FAT3: variants seen among roughly 807,000 people sequenced by gnomAD.
FAT3 encodes the protein protocadherin Fat 3.
Under a neutral mutation model 310.2 loss-of-function variants are expected in FAT3, and 95 were observed. The ratio of observed to expected loss-of-function variants is 0.31; its 90% CI spans 0.26 to 0.36. FAT3 has a LOEUF of 0.36. FAT3 is among the 10% of genes least tolerant of loss of function. FAT3 has a pLI of 1.00. For synonymous variants in FAT3, 2,314 were observed against 2,192.9 expected (o/e 1.06, Z -1.54); for missense variants, 5,408 against 5,715.6 (o/e 0.95, Z 1.74).
intron 1 of FAT3, among the ~76,000 whole-genome samples, chr11:92,254,847 A>T (rs1865255110): frequency 6.6e-6 from 1 of 152,086 alleles, no homozygotes; most frequent in Non-Finnish European, 1.5e-5. Context: ...CTGGGGCTAC[A>T]GGCACCTGCC....
chr11:92,529,283 G>A (rs898390482), intron 3 of FAT3, among the ~76,000 whole-genome samples: 2 of 152,170 alleles, frequency 1.3e-5, no homozygotes, highest in African/African-American at 2.4e-5. Flanking sequence ...GAGTAACAGG[G>A]GATCTTTGCG....
intron 2 of FAT3, among the ~76,000 whole-genome samples, chr11:92,420,264 C>A (rs995930710): frequency 6.6e-5 from 10 of 152,112 alleles, no homozygotes; most frequent in African/African-American, 2.4e-4. Flanking sequence ...TTATTAGGAC[C>A]ACTTATGGAT....
intron 3 of FAT3, among the ~76,000 whole-genome samples, chr11:92,661,163 G>T (rs143027718): frequency 0.018 from 2,697 of 152,302 alleles, 35 homozygotes; most frequent in Non-Finnish European, 0.024. Flanking sequence ...GGGAGGCAAG[G>T]CAGGGGTGAG....
At chr11:92,728,539 G>A (rs972556794) in intron 4 of FAT3, among the ~76,000 whole-genome samples, 1 of 151,982 alleles carries the variant, frequency 6.6e-6, no homozygotes, top group Non-Finnish European at 1.5e-5. Context: ...TTTAAAAATC[G>A]GCATATTTGT....
intron 3 of FAT3, among the ~76,000 whole-genome samples, chr11:92,600,612 C>A (rs1939969284): frequency 6.6e-6 from 1 of 152,014 alleles, no homozygotes; most frequent in Non-Finnish European, 1.5e-5. Context: ...TACTATTTGC[C>A]AGGATGTGTT....
chr11:92,886,245 C>G (rs1949793666), intron 24 of FAT3, among the ~76,000 whole-genome samples: 1 of 152,136 alleles, frequency 6.6e-6, no homozygotes, highest in Non-Finnish European at 1.5e-5. Context: ...TTCTGGGCTA[C>G]TAATTCATTT....
intron 2 of FAT3, among the ~76,000 whole-genome samples, chr11:92,418,163 C>G (rs1950456249): frequency 6.6e-6 from 1 of 152,086 alleles, no homozygotes; most frequent in Non-Finnish European, 1.5e-5. Flanking sequence ...ATCAAAACAT[C>G]TTTTAATTGA....
intron 2 of FAT3, among the ~76,000 whole-genome samples, chr11:92,485,215 G>A (rs1274335355): frequency 3.3e-5 from 5 of 152,218 alleles, no homozygotes; most frequent in African/African-American, 9.7e-5. Flanking sequence ...GGGAATTCTA[G>A]TATTGGTTTA....
intron 1 of FAT3, among the ~76,000 whole-genome samples, chr11:92,267,119 C>A (rs1367784169): frequency 6.6e-6 from 1 of 152,006 alleles, no homozygotes; most frequent in Admixed American, 6.6e-5. Flanking sequence ...TGCACCAACT[C>A]GCTTATTGAA....
intron 2 of FAT3, among the ~76,000 whole-genome samples, chr11:92,472,268 G>C (rs1713626831): frequency 6.6e-6 from 1 of 152,054 alleles, no homozygotes. Context: ...ACTTTTAGCA[G>C]TACTGTAAGT....
chr11:92,592,224 T>G (rs1159602545), intron 3 of FAT3, among the ~76,000 whole-genome samples: 1 of 152,032 alleles, frequency 6.6e-6, no homozygotes, highest in East Asian at 1.9e-4. Flanking sequence ...CTCATTAGGT[T>G]TGCAAACATG....
At chr11:92,414,255 T>C (rs1950358618) in intron 2 of FAT3, among the ~76,000 whole-genome samples, 1 of 152,080 alleles carries the variant, frequency 6.6e-6, no homozygotes, top group African/African-American at 2.4e-5. Context: ...CTGCCCCTTA[T>C]CCCCACCCAA....
chr11:92,789,758 T>C (rs144985423), intron 7 of FAT3, among the ~76,000 whole-genome samples, 185 bp from the exon 8 acceptor site: 177 of 152,322 alleles, frequency 1.2e-3, no homozygotes, highest in African/African-American at 4.1e-3. Context: ...TAATATAAAC[T>C]ACTGGTTTAT....
At chr11:92,832,045 C>T (rs1181530055) in intron 14 of FAT3, 34 bp downstream of exon 14, 2 of 1,500,582 alleles carry the variant, frequency 1.3e-6, no homozygotes, top group Non-Finnish European at 1.8e-6. Context: ...GAATACAGAG[C>T]TTCAGCTTGG....
intron 13 of FAT3, among the ~76,000 whole-genome samples, chr11:92,816,683 T>G (rs144045970): frequency 6.6e-6 from 1 of 151,996 alleles, no homozygotes; most frequent in Non-Finnish European, 1.5e-5. Context: ...GCTTTAGAAG[T>G]AAAAGGAAAG....
intron 2 of FAT3, among the ~76,000 whole-genome samples, chr11:92,391,048 A>G (rs867804077): frequency 6.6e-6 from 1 of 152,316 alleles, no homozygotes; most frequent in South Asian, 2.1e-4. Context: ...AGCATTTCTC[A>G]TAGTACCCAC....
Position 92,831,663 on chromosome 11 carries a change from G to C in FAT3, c.9523G>C (p.Gly3175Arg). The C allele has an allele frequency of 6.2e-7, 1 of 1,613,320 alleles. No homozygotes were observed. The highest frequency in any genetic ancestry group is 1.7e-5 in the Admixed American group (1 of 59,984). The change falls in exon 14 of 28, where the codon GGT becomes CGT. Residue 3175 changes from glycine to arginine, a missense_variant. Gly to Arg is a moderately radical substitution (Grantham distance 125, BLOSUM62 -2). Transcript: ENST00000525166. ...CGTGTACTCCCTGGCAGACTCAGCT[G>C]GTGGGGTCTTCTCCATTGACAGCTC... Reference protein sequence around the residue: ...KVVYSLADSAGGVFSIDSSSG... With the variant: ...KVVYSLADSARGVFSIDSSSG...
At chr11:92,325,861 A>C (rs1355518616) in intron 1 of FAT3, among the ~76,000 whole-genome samples, 2 of 152,040 alleles carry the variant, frequency 1.3e-5, no homozygotes, top group Non-Finnish European at 2.9e-5. Flanking sequence ...CGATCTCTTG[A>C]CCTCGTGATC....
At chr11:92,368,240 A>G (rs1444186993) in intron 2 of FAT3, among the ~76,000 whole-genome samples, 1 of 152,160 alleles carries the variant, frequency 6.6e-6, no homozygotes, top group Non-Finnish European at 1.5e-5. Flanking sequence ...GGTTGACTGA[A>G]ATTTGTGTTT....
Sources: gnomAD v4.1 joint callset for allele counts (sites outside exome capture counted in the v4.1 genomes callset) on GRCh38, gnomAD v4.1.1 for gene constraint, MANE v1.5 for transcripts, NCBI Gene and HGNC (gene_info 2026-07-23, HGNC 2026-07-21) for gene names.